OCLN: variants seen among roughly 807,000 people sequenced by gnomAD.
OCLN encodes phosphatase 1, regulatory subunit 115.
In OCLN, 21 loss-of-function variants were observed where a neutral mutation model predicts 47.9. The ratio of observed to expected loss-of-function variants is 0.44; its 90% CI spans 0.31 to 0.63. The LOEUF (loss-of-function observed/expected upper bound fraction) is 0.63, where lower values mean the gene tolerates loss of function less well. Among genes scored for constraint, OCLN ranks in the 30% least tolerant of loss-of-function variants. OCLN has a pLI of 0.08. For missense variants in OCLN, 360 were observed against 571.0 expected (o/e 0.63, Z 3.77); for synonymous variants, 117 against 198.4 (o/e 0.59, Z 3.45).
At chr5:69,548,421 C>A (rs541333436) in intron 7 of OCLN, among the ~76,000 whole-genome samples, 1 of 149,924 alleles carries the variant, frequency 6.7e-6, no homozygotes, top group South Asian at 2.1e-4. Context: ...TCACGCCATT[C>A]TCCTGACTCA....
chr5:69,507,694 C>T (rs1768647155), intron 2 of OCLN, among the ~76,000 whole-genome samples: 1 of 151,802 alleles, frequency 6.6e-6, no homozygotes, highest in Non-Finnish European at 1.5e-5. Flanking sequence ...CAACCTCCAC[C>T]TCCTGGGTTC....
At position 69,555,639 on chromosome 5, in the gene OCLN, G is replaced by A. The variant is rs2112105577; in HGVS notation, c.*1968G>A. ...TTTTAAATGTTTCCATTATATCACT[G>A]ATTTATTTCTGCAAATTGAATAAAT... On this transcript the variant is annotated 3_prime_UTR_variant, in exon 9 of 9. Transcript: ENST00000396442. 6.6e-6 allele frequency: 1 copy of A among 152,134 alleles called. No homozygotes were observed. Among genetic ancestry groups the A allele is most frequent in the African/African-American group, 2.4e-5 (1 of 41,502 alleles). 9.4% of individuals were successfully genotyped at this position (152,134 alleles called of 1,614,324 possible).
In OCLN at chr5:69,555,741, T is replaced by C. The variant is rs1320338721; in HGVS notation, c.*2070T>C. The C allele has an allele frequency of 6.6e-6, 1 of 152,078 alleles. No individual in the cohort carries two copies. The highest frequency in any genetic ancestry group is 1.5e-5 in the Non-Finnish European group (1 of 68,034). The allele number at this position is 152,078 out of a possible 1,614,324, so 9.4% of individuals were successfully genotyped here. A position where few individuals can be genotyped will look rare whatever the true frequency, so the allele number is the denominator to read the frequency against. ...TTTATACCAAATGAAAAGGATTCTC[T>C]TGATGAGCACCTTTAACTGATTTTT... On this transcript the variant is annotated 3_prime_UTR_variant, in exon 9 of 9. Coordinates refer to ENST00000396442, the MANE Select transcript of OCLN (RefSeq NM_001205254.2).
At chr5:69,498,125 C>G (rs1476564242) in intron 1 of OCLN, among the ~76,000 whole-genome samples, 1 of 151,652 alleles carries the variant, frequency 6.6e-6, no homozygotes, top group Non-Finnish European at 1.5e-5. Flanking sequence ...GAGCGAGACT[C>G]CGTCTCAAAA....
At chr5:69,510,591 A>G (rs761662748) in intron 3 of OCLN, among the ~76,000 whole-genome samples, 24 of 152,258 alleles carry the variant, frequency 1.6e-4, no homozygotes, top group Non-Finnish European at 2.2e-4. Context: ...GCTCAGGCAG[A>G]AGAAATGGCG....
chr5:69,528,774 C>T (rs1030367271), intron 4 of OCLN, among the ~76,000 whole-genome samples: 8 of 152,106 alleles, frequency 5.3e-5, no homozygotes, highest in African/African-American at 1.2e-4. Context: ...TGAGAATAAA[C>T]GAAGTCGGGT....
intron 4 of OCLN, among the ~76,000 whole-genome samples, chr5:69,515,952 A>T (rs964287376): frequency 4.7e-5 from 7 of 149,826 alleles, no homozygotes; most frequent in Non-Finnish European, 8.9e-5. Flanking sequence ...GGCCGGGAAG[A>T]GGCGCTCCTC....
At chr5:69,523,733 G>T (rs1349730344) in intron 4 of OCLN, among the ~76,000 whole-genome samples, 2 of 151,876 alleles carry the variant, frequency 1.3e-5, no homozygotes, top group African/African-American at 4.8e-5. Context: ...ATGGGGTTTT[G>T]CCACGTTGGC....
At position 69,514,060 on chromosome 5, in the gene OCLN, G is replaced by A. The variant is rs1309670545; in HGVS notation, c.842G>A (p.Trp281Ter). The A allele has an allele frequency of 1.9e-6, 3 of 1,614,060 alleles. No individual in the cohort carries two copies. The South Asian group carries it at 3.3e-5, about 18-fold the overall frequency. Residue 281 changes from tryptophan to a stop codon, truncating the protein, a stop_gained, in exon 4 of 9, where the codon TGG becomes TAG. Transcript: ENST00000396442. LOFTEE classifies it high-confidence loss of function. ...MDRYDKSNIL[W>*]DKEHIYDEQP... ...AGGTATGACAAGTCCAATATTTTGTGGGACAAGGAACACATTTATGATGAG... is the reference window on the plus strand; with the variant it reads ...AGGTATGACAAGTCCAATATTTTGTAGGACAAGGAACACATTTATGATGAG...
At chr5:69,538,778 AC>A (rs1769659151) in intron 5 of OCLN, among the ~76,000 whole-genome samples, 1 of 87,560 alleles carries the variant, frequency 1.1e-5, no homozygotes, top group South Asian at 4.0e-4. Context: ...TTGGATTTTG[AC>A]AAAAACTAAA....
intron 4 of OCLN, among the ~76,000 whole-genome samples, chr5:69,520,299 G>A (rs1769097374): frequency 6.8e-6 from 1 of 146,990 alleles, no homozygotes; most frequent in South Asian, 2.2e-4. Context: ...ACCACTATGG[G>A]GTACTTTTTT....
intron 4 of OCLN, among the ~76,000 whole-genome samples, chr5:69,532,702 T>C (rs1769464732): frequency 1.3e-5 from 2 of 152,132 alleles, no homozygotes; most frequent in Admixed American, 6.6e-5. Flanking sequence ...GCGTGGTGGC[T>C]CACGCCTGTA....
intron 4 of OCLN, among the ~76,000 whole-genome samples, chr5:69,515,682 C>T (rs538458295): frequency 3.3e-3 from 493 of 149,640 alleles, no homozygotes; most frequent in Non-Finnish European, 5.7e-3. Context: ...CGGGCAGAGA[C>T]GCTCCTCACT....
chr5:69,553,600 T>C lies in OCLN; in HGVS notation c.1498T>C (p.Cys500Arg). ...SADYKSKKNH[C>R]KQLKSKLSHI... ...AGATTACAAAAGTAAGAAGAATCAT[T>C]GCAAGCAGTTAAAGAGCAAATTGTC... Residue 500 changes from cysteine to arginine, a missense_variant, in exon 9 of 9, where the codon TGC (cysteine) becomes CGC (arginine). Cys to Arg is a radical substitution (Grantham distance 180). Around this residue, in one of 3 missense-constraint regions of OCLN, gnomAD observed 25 missense variants for 43.9 expected, o/e 0.57. Transcript: ENST00000396442. 8 of 1,613,970 alleles carry C rather than the reference T, an allele frequency of 5.0e-6. No homozygotes were observed. Among genetic ancestry groups the C allele is most frequent in the Non-Finnish European group, 6.8e-6 (8 of 1,179,978 alleles).
intron 4 of OCLN, among the ~76,000 whole-genome samples, chr5:69,515,793 C>T (rs1001553355): frequency 2.7e-5 from 4 of 150,546 alleles, no homozygotes; most frequent in Admixed American, 2.6e-4. Flanking sequence ...GGCGGCTGGG[C>T]AGAGACGCTC....
intron 3 of OCLN, among the ~76,000 whole-genome samples, chr5:69,511,569 A>G (rs1425209336): frequency 6.6e-6 from 1 of 151,544 alleles, no homozygotes; most frequent in East Asian, 1.9e-4. Context: ...ATGCCACCAC[A>G]CCCGGATAAT....
chr5:69,500,558 G>A (rs866261498), intron 1 of OCLN, among the ~76,000 whole-genome samples: 4 of 151,810 alleles, frequency 2.6e-5, no homozygotes, highest in Non-Finnish European at 4.4e-5. Flanking sequence ...GCACCACCAC[G>A]CCCCTCTAAT....
At chr5:69,497,843 T>C (rs1768340303) in intron 1 of OCLN, among the ~76,000 whole-genome samples, 1 of 152,208 alleles carries the variant, frequency 6.6e-6, no homozygotes, top group South Asian at 2.1e-4. Flanking sequence ...TGTTAGCTTT[T>C]GTTGAAATTC....
intron 4 of OCLN, among the ~76,000 whole-genome samples, chr5:69,533,430 T>A (rs1247762482): frequency 6.6e-6 from 1 of 152,110 alleles, no homozygotes; most frequent in Admixed American, 6.5e-5. Flanking sequence ...GAATTCTCAC[T>A]GGTTTACAGA....
Sources: allele counts gnomAD v4.1 joint callset (sites outside exome capture counted in the v4.1 genomes callset), GRCh38; gene constraint gnomAD v4.1.1; regional missense constraint gnomAD v4.1.1; transcripts MANE v1.5; gene names NCBI Gene and HGNC (gene_info 2026-07-23, HGNC 2026-07-21).